The following NAV2 variants were observed in gnomAD, a reference collection of about 807,000 sequenced individuals.
NAV2 encodes the protein helicase, APC down-regulated 1.
In NAV2, 54 loss-of-function variants were observed where a neutral mutation model predicts 223.2. That is an observed-to-expected ratio of 0.24 (90% confidence interval 0.19 to 0.30). NAV2 has a LOEUF of 0.30. NAV2 is among the 10% of genes least tolerant of loss of function. The probability of loss-of-function intolerance (pLI) is 1.00; values close to 1 mark genes in which losing one functional copy is unlikely to be tolerated. For missense variants in NAV2, 2,806 were observed against 3,147.5 expected, an observed-to-expected ratio of 0.89 and a Z score of 2.60; for synonymous variants, 1,279 against 1,239.3, an observed-to-expected ratio of 1.03 and a Z score of -0.67.
intron 1 of NAV2, among the ~76,000 whole-genome samples, chr11:19,642,517 C>T (rs1271393452): frequency 6.6e-6 from 1 of 152,222 alleles, no homozygotes; most frequent in East Asian, 1.9e-4. Context: ...TGCAGTTCCA[C>T]TGCTGGATTC....
At chr11:19,922,162 TG>T (rs1167008424) in intron 6 of NAV2, among the ~76,000 whole-genome samples, 1 of 152,084 alleles carries the variant, frequency 6.6e-6, no homozygotes, top group Non-Finnish European at 1.5e-5. Context: ...CACCCACTGC[TG>T]TAATGGGTCC....
intron 2 of NAV2, among the ~76,000 whole-genome samples, chr11:19,836,687 T>A (rs1385471840): frequency 6.6e-6 from 1 of 152,214 alleles, no homozygotes; most frequent in Non-Finnish European, 1.5e-5. Flanking sequence ...CTAGTTCTAA[T>A]GGTGAAGAGT....
In NAV2 at chr11:19,640,221, A is replaced by T. The variant is rs113435885; in HGVS notation, c.76-192263A>T. Reference sequence around the variant, plus strand: ...TTTTCCAAGCAGAGCTATTAATAATAGATATTCTGGGAAGAAAGGTTGTTT... The same window carrying T: ...TTTTCCAAGCAGAGCTATTAATAATTGATATTCTGGGAAGAAAGGTTGTTT... On this transcript the variant is annotated intron_variant, in intron 1 of 37. Transcript: ENST00000360655. Among the ~76,000 whole-genome samples the T allele has an allele frequency of 4.2e-3, 641 of 152,288 alleles. 3 individuals are homozygous for T. Among genetic ancestry groups the T allele is most frequent in the African/African-American group, 0.015 (617 of 41,564 alleles).
In NAV2 at chr11:19,999,984, C is replaced by A. The variant is rs199949062; in HGVS notation, c.2768+15737C>A. ...GGTCCTCTCAGCCCCAGGTCCAGCACCGTGGCCACTGGCCTGTGTCACCTC... is the reference window on the plus strand; with the variant it reads ...GGTCCTCTCAGCCCCAGGTCCAGCAACGTGGCCACTGGCCTGTGTCACCTC... On this transcript the variant is annotated intron_variant, in intron 11 of 37. Coordinates refer to ENST00000349880, the MANE Select transcript of NAV2 (RefSeq NM_145117.5). Among the ~76,000 whole-genome samples the A allele has an allele frequency of 4.6e-5, 7 of 152,360 alleles. No homozygotes were observed. In the East Asian group the frequency reaches 1.3e-3, roughly 29 times the overall value.
At chr11:19,458,542 T>C (rs968557249) in intron 1 of NAV2, among the ~76,000 whole-genome samples, 1 of 152,200 alleles carries the variant, frequency 6.6e-6, no homozygotes, top group African/African-American at 2.4e-5. Context: ...GTACCTACTA[T>C]GTGTCAGGCA....
chr11:19,439,372 G>T (rs915077103), intron 1 of NAV2, among the ~76,000 whole-genome samples: 3 of 152,130 alleles, frequency 2.0e-5, no homozygotes, highest in Non-Finnish European at 4.4e-5. Context: ...TAATACCTGG[G>T]TGATGAAATT....
intron 1 of NAV2, among the ~76,000 whole-genome samples, chr11:19,785,059 T>C (rs1350501152): frequency 1.3e-5 from 2 of 152,206 alleles, no homozygotes; most frequent in African/African-American, 4.8e-5. Flanking sequence ...CATTCATTCT[T>C]ACAGAATGTA....
chr11:19,981,361 T>C (rs1006178329), intron 10 of NAV2: 2 of 152,176 alleles, frequency 1.3e-5, no homozygotes, highest in Non-Finnish European at 2.9e-5. Context: ...TTCTCAGCAT[T>C]CTGTGTCTGG....
At chr11:19,627,889 C>T (rs1217404522) in intron 1 of NAV2, among the ~76,000 whole-genome samples, 1 of 143,486 alleles carries the variant, frequency 7.0e-6, no homozygotes, top group Admixed American at 7.3e-5. Context: ...GTTCCTCAAC[C>T]TGAGCCTTAG....
chr11:19,987,240 A>C (rs966709783), intron 11 of NAV2, among the ~76,000 whole-genome samples: 1 of 152,226 alleles, frequency 6.6e-6, no homozygotes, highest in African/African-American at 2.4e-5. Context: ...TGTCCCTGTA[A>C]TTGGAAATAT....
chr11:19,614,609 A>G (rs967882923), intron 1 of NAV2, among the ~76,000 whole-genome samples: 14 of 152,182 alleles, frequency 9.2e-5, no homozygotes, highest in Non-Finnish European at 5.9e-5. Flanking sequence ...CAATGTCCAT[A>G]GTTCACATTA....
intron 1 of NAV2, among the ~76,000 whole-genome samples, chr11:19,696,890 A>C: frequency 6.6e-6 from 1 of 152,212 alleles, no homozygotes; most frequent in Non-Finnish European, 1.5e-5. Flanking sequence ...TAGTGTTAAG[A>C]TATGATTTTC....
chr11:19,854,919 G>A (rs2061336178), intron 3 of NAV2, among the ~76,000 whole-genome samples: 2 of 152,142 alleles, frequency 1.3e-5, no homozygotes, highest in African/African-American at 2.4e-5. Context: ...AAATGACCAG[G>A]CAAGGTGGTC....
At chr11:19,523,038 T>C (rs979261236) in intron 1 of NAV2, among the ~76,000 whole-genome samples, 5 of 152,238 alleles carry the variant, frequency 3.3e-5, no homozygotes, top group African/African-American at 1.2e-4. Context: ...TGGGTTCTCA[T>C]TGGAGAATTC....
In NAV2 at chr11:19,409,999, C is replaced by T. The variant is rs1850071740; in HGVS notation, c.75+58972C>T. 2.0e-5 allele frequency among the ~76,000 whole-genome samples: 3 copies of T among 152,158 alleles called. No individual in the cohort carries two copies. The South Asian group carries it at 6.2e-4, about 32-fold the overall frequency. On this transcript the variant is annotated intron_variant, in intron 1 of 37. Transcript: ENST00000360655. ...CTAGGAACTTCTCTGGGACGCTCTC[C>T]TGGTCTACTGTAAACAGGAGACAGG...
In NAV2 at chr11:19,949,012, T is replaced by C. The variant is rs2585773; in HGVS notation, c.2577T>C (p.Asp859=). The part of the protein sequence containing the change: ...DEMDLEGISM[D]APGYMSDGDV... ...TGGACCTGGAAGGCATCAGCATGGA[T>C]GCCCCCGGCTACATGAGCGACGGGG... The change falls in exon 10 of 38, where the codon GAT becomes GAC. Residue 859 remains aspartate, a synonymous_variant. Coordinates refer to ENST00000349880, the MANE Select transcript of NAV2 (RefSeq NM_145117.5). 1,605,831 of 1,614,160 alleles carry C rather than the reference T, an allele frequency of 0.99. 799,115 individuals are homozygous for C. Among genetic ancestry groups the C allele is most frequent in the East Asian group, 1 (44,864 of 44,864 alleles).
At chr11:19,858,231 CT>C (rs1702005309) in intron 3 of NAV2, among the ~76,000 whole-genome samples, 1 of 152,240 alleles carries the variant, frequency 6.6e-6, no homozygotes, top group East Asian at 1.9e-4. Flanking sequence ...CCACCAGCCC[CT>C]GGTAAACCAC....
intron 1 of NAV2, among the ~76,000 whole-genome samples, chr11:19,767,878 C>A (rs1468631957): frequency 6.6e-6 from 1 of 152,260 alleles, no homozygotes; most frequent in Non-Finnish European, 1.5e-5. Flanking sequence ...AGGCTTCCTT[C>A]AGGAAGATAA....
At chr11:19,371,173 A>G (rs1000295436) in intron 1 of NAV2, among the ~76,000 whole-genome samples, 2 of 152,230 alleles carry the variant, frequency 1.3e-5, no homozygotes, top group Non-Finnish European at 1.5e-5. Flanking sequence ...GCCAGACCCC[A>G]TGTTAAGAAT....
Sources: allele counts gnomAD v4.1 joint callset (sites outside exome capture counted in the v4.1 genomes callset), GRCh38; gene constraint gnomAD v4.1.1; transcripts MANE v1.5; gene names NCBI Gene and HGNC (gene_info 2026-07-23, HGNC 2026-07-21).